Variants in RAB3IP observed in about 807,000 individuals in gnomAD.
RAB3IP encodes the protein rab-3A-interacting protein.
RAB3IP carries 36 observed loss-of-function variants against 59.1 expected under a neutral mutation model. That is an observed-to-expected ratio of 0.61 (90% CI 0.47 to 0.80). The LOEUF (loss-of-function observed/expected upper bound fraction) is 0.80. Among genes scored for constraint, RAB3IP ranks in the 30% least tolerant of loss-of-function variants. The pLI is 0.00. For synonymous variants in RAB3IP, 207 were observed against 191.2 expected (o/e 1.08, Z -0.68); for missense variants, 511 against 536.0 (o/e 0.95, Z 0.46).
intron 3 of RAB3IP, 88 bp from the exon 4 acceptor site, chr12:69,784,632 T>G (rs1287083299): frequency 1.8e-6 from 1 of 544,346 alleles, no homozygotes. Flanking sequence ...TATTCATATT[T>G]TATAATTTTA....
At chr12:69,753,971 T>C (rs1432698137) in intron 1 of RAB3IP, among the ~76,000 whole-genome samples, 1 of 152,168 alleles carries the variant, frequency 6.6e-6, no homozygotes, top group Non-Finnish European at 1.5e-5. Context: ...GTATTGTTAG[T>C]GGCTGGGCTA....
chr12:69,750,332 T>G (rs1869042069), intron 1 of RAB3IP, among the ~76,000 whole-genome samples: 1 of 152,214 alleles, frequency 6.6e-6, no homozygotes, highest in African/African-American at 2.4e-5. Context: ...CAAGTAATCT[T>G]ATTTCATCTA....
chr12:69,784,577 G>C (rs995490931), intron 3 of RAB3IP, 143 bp from the exon 4 acceptor site: 1 of 345,576 alleles, frequency 2.9e-6, no homozygotes, highest in Non-Finnish European at 5.2e-6. Context: ...CACATAGCAG[G>C]TGCTAGATAA....
intron 8 of RAB3IP, among the ~76,000 whole-genome samples, chr12:69,806,114 A>C (rs1879223960): frequency 1.3e-5 from 2 of 152,166 alleles, no homozygotes; most frequent in African/African-American, 4.8e-5. Context: ...TCGGCTGTGA[A>C]TCCATCTGGT....
chr12:69,766,320 C>G (rs1872188402), intron 3 of RAB3IP, among the ~76,000 whole-genome samples: 1 of 151,980 alleles, frequency 6.6e-6, no homozygotes, highest in African/African-American at 2.4e-5. Context: ...TTATGTAATC[C>G]CATATTTCTC....
At chr12:69,754,496 C>T (rs144567777) in intron 1 of RAB3IP, among the ~76,000 whole-genome samples, 119 of 152,074 alleles carry the variant, frequency 7.8e-4, no homozygotes, top group African/African-American at 2.4e-3. Context: ...GTGTCTTTAC[C>T]GCCTTTCTAC....
At chr12:69,768,947 C>T (rs946657732) in intron 3 of RAB3IP, among the ~76,000 whole-genome samples, 1 of 152,062 alleles carries the variant, frequency 6.6e-6, no homozygotes, top group African/African-American at 2.4e-5. Context: ...ATCTTGAATT[C>T]CCATGTGTTG....
At chr12:69,764,970 T>C (rs1016662254) in intron 3 of RAB3IP, among the ~76,000 whole-genome samples, 2 of 152,236 alleles carry the variant, frequency 1.3e-5, no homozygotes, top group African/African-American at 4.8e-5. Flanking sequence ...CAAATGCTGC[T>C]GAATTTTGTA....
At chr12:69,744,602 T>C (rs541946996) in intron 1 of RAB3IP, among the ~76,000 whole-genome samples, 5 of 151,152 alleles carry the variant, frequency 3.3e-5, no homozygotes, top group Non-Finnish European at 7.4e-5. Context: ...CAGGCGCCTG[T>C]AATCCCAGCT....
chr12:69,806,570 G>GTTTTTTTTTTTTTTTTTTTTTTTT (rs35262716), intron 8 of RAB3IP, among the ~76,000 whole-genome samples: 5 of 68,484 alleles, frequency 7.3e-5, no homozygotes, highest in African/African-American at 1.9e-4. Flanking sequence ...TGCTTCTCTA[G>GTTTTTTTTTTTTTTTTTTTTTTTT]TTTTTTTTTT....
intron 8 of RAB3IP, 143 bp from the exon 9 acceptor site, chr12:69,812,635 T>G: frequency 1.6e-6 from 1 of 621,478 alleles, no homozygotes. Context: ...TTTCATCACT[T>G]TAGCCCAGCA....
intron 8 of RAB3IP, among the ~76,000 whole-genome samples, chr12:69,810,413 T>C (rs903034404): frequency 2.0e-5 from 3 of 152,134 alleles, no homozygotes; most frequent in Non-Finnish European, 2.9e-5. Context: ...GAACCACTGC[T>C]CTCTTCAAAG....
intron 8 of RAB3IP, among the ~76,000 whole-genome samples, chr12:69,809,599 C>T (rs1193533536): frequency 2.6e-5 from 4 of 152,050 alleles, no homozygotes; most frequent in Non-Finnish European, 4.4e-5. Context: ...TTGTTCATTT[C>T]TTTTTATTCT....
chr12:69,812,138 C>G (rs1353400029), intron 8 of RAB3IP: 1 of 152,290 alleles, frequency 6.6e-6, no homozygotes, highest in Non-Finnish European at 1.5e-5. Context: ...AGTCCCTGCC[C>G]TCAAGAGGTT....
chr12:69,813,263 A>G (rs183571119), intron 10 of RAB3IP, among the ~76,000 whole-genome samples: 1 of 152,214 alleles, frequency 6.6e-6, no homozygotes, highest in East Asian at 1.9e-4. Context: ...TTTTACTCTT[A>G]ATTTTGAATT....
At chr12:69,797,330 TGAGGATTAAATGCTTGTAAAGTGC>T (rs1877590398) in intron 6 of RAB3IP, among the ~76,000 whole-genome samples, 1 of 152,208 alleles carries the variant, frequency 6.6e-6, no homozygotes, top group South Asian at 2.1e-4. Context: ...TGCACAGTTG[TGAGGATTAAATGCTTGTAAAGTGC>T]TTACGGTGGT....
intron 6 of RAB3IP, chr12:69,796,589 T>G: frequency 3.4e-6 from 2 of 590,284 alleles, no homozygotes; most frequent in Non-Finnish European, 6.1e-6. Context: ...ATAACCAATG[T>G]TAACCTGTTT....
At chr12:69,811,105 C>T (rs1197702209) in intron 8 of RAB3IP, among the ~76,000 whole-genome samples, 1 of 152,154 alleles carries the variant, frequency 6.6e-6, no homozygotes, top group Non-Finnish European at 1.5e-5. Flanking sequence ...AGCTGGAGGC[C>T]GTTATCCTTA....
chr12:69,784,927 A>G, intron 4 of RAB3IP, 112 bp downstream of exon 4: 1 of 548,078 alleles, frequency 1.8e-6, no homozygotes, highest in South Asian at 2.6e-5. Context: ...GTATATTTAT[A>G]AGTCCTCTAA....
Sources: allele counts gnomAD v4.1 joint callset (sites outside exome capture counted in the v4.1 genomes callset), GRCh38; gene constraint gnomAD v4.1.1; transcripts MANE v1.5; gene names NCBI Gene and HGNC (gene_info 2026-07-23, HGNC 2026-07-21).